ZFYVE28: variants seen among roughly 807,000 people sequenced by gnomAD.
ZFYVE28 encodes the protein zinc finger FYVE-type containing 28, also known as lateral signaling target protein 2 homolog.
In ZFYVE28, 40 loss-of-function variants were observed where a neutral mutation model predicts 82.1. The observed-to-expected ratio is 0.49, with a 90% confidence interval of 0.38 to 0.63. The LOEUF (loss-of-function observed/expected upper bound fraction) is 0.63, where lower values mean the gene tolerates loss of function less well. Ranked by LOEUF, ZFYVE28 falls within the 30% of genes least tolerant of loss-of-function variation. The probability of loss-of-function intolerance (pLI) is 0.00; values close to 1 mark genes in which losing one functional copy is unlikely to be tolerated. For synonymous variants in ZFYVE28, 612 were observed against 546.1 expected, an observed-to-expected ratio of 1.12 and a Z score of -1.68; for missense variants, 1,321 against 1,242.1, an observed-to-expected ratio of 1.06 and a Z score of -0.96.
intron 1 of ZFYVE28, among the ~76,000 whole-genome samples, chr4:2,365,395 G>C (rs1218936856): frequency 6.6e-6 from 1 of 152,092 alleles, no homozygotes; most frequent in Non-Finnish European, 1.5e-5. Context: ...CACGCAGCAG[G>C]GGCCTCTCAG....
chr4:2,393,559 C>A (rs965898581), intron 1 of ZFYVE28, among the ~76,000 whole-genome samples: 1 of 152,244 alleles, frequency 6.6e-6, no homozygotes, highest in Non-Finnish European at 1.5e-5. Context: ...CTGGCTCTCA[C>A]GGCCCCTTCC....
rs1030233972 is a variant in ZFYVE28, at chr4:2,300,865, G to A, written c.2051+3424C>T. On this transcript the variant is annotated intron_variant, in intron 8 of 12. Coordinates refer to ENST00000290974, the MANE Select transcript of ZFYVE28 (RefSeq NM_020972.3). The surrounding 1 kb of genome is among the most constrained non-coding windows in gnomAD (Gnocchi z 4.6). ...CACAGGGGCTGCAGGGGCGTCTGCC[G>A]GGCGAGCGGGTCTCACGGCCAAACA... 1.2e-4 allele frequency among the ~76,000 whole-genome samples: 19 copies of A among 152,280 alleles called. No individual in the cohort carries two copies. Among genetic ancestry groups the A allele is most frequent in the African/African-American group, 4.3e-4 (18 of 41,570 alleles).
chr4:2,350,247 G>A (rs1049557111), intron 2 of ZFYVE28, among the ~76,000 whole-genome samples: 1 of 151,994 alleles, frequency 6.6e-6, no homozygotes, highest in African/African-American at 2.4e-5. Context: ...GGTGGATCAC[G>A]AGGTCAGGAG....
At chr4:2,329,942 A>G (rs1333797638) in intron 6 of ZFYVE28, among the ~76,000 whole-genome samples, 4 of 152,238 alleles carry the variant, frequency 2.6e-5, no homozygotes, top group Non-Finnish European at 5.9e-5. Context: ...ATTCTGCAAA[A>G]GTCCACCACA....
chr4:2,372,941 C>T lies in ZFYVE28; in HGVS notation c.40-18868G>A, dbSNP rs193222154. 4.4e-3 allele frequency among the ~76,000 whole-genome samples: 663 copies of T among 152,200 alleles called. 7 individuals carry two copies. The highest frequency in any genetic ancestry group is 0.015 in the African/African-American group (636 of 41,524). Reference sequence around the variant, plus strand: ...GGACGACTAGGGAGGGAAAAACCACCGCATGCCCACCAGAAGACCACCACG... The same window carrying T: ...GGACGACTAGGGAGGGAAAAACCACTGCATGCCCACCAGAAGACCACCACG... On this transcript the variant is annotated intron_variant, in intron 1 of 12. Coordinates refer to ENST00000290974, the MANE Select transcript of ZFYVE28 (RefSeq NM_020972.3). The surrounding 1 kb of genome is among the most constrained non-coding windows in gnomAD (Gnocchi z 5.2).
chr4:2,355,962 C>A (rs4974651), intron 1 of ZFYVE28, among the ~76,000 whole-genome samples: 14,513 of 152,280 alleles, frequency 0.095, 759 homozygotes, highest in East Asian at 0.12. Context: ...GCGCACAGTT[C>A]GAATGCGCTG....
At chr4:2,359,194 G>A (rs922494893) in intron 1 of ZFYVE28, among the ~76,000 whole-genome samples, 2 of 151,650 alleles carry the variant, frequency 1.3e-5, no homozygotes, top group Non-Finnish European at 2.9e-5. Context: ...TGTCAGCCAG[G>A]ATGGTCTCGA....
chr4:2,381,413 G>GTTGTTGTTT (rs1171594991), intron 1 of ZFYVE28, among the ~76,000 whole-genome samples: 1 of 152,124 alleles, frequency 6.6e-6, no homozygotes, highest in Admixed American at 6.6e-5. Flanking sequence ...TTTTGTTGTT[G>GTTGTTGTTT]TTGTTGTTTT....
chr4:2,367,108 A>G (rs967537879), intron 1 of ZFYVE28, among the ~76,000 whole-genome samples: 3 of 152,222 alleles, frequency 2.0e-5, no homozygotes, highest in South Asian at 4.1e-4. Context: ...TGAACTGCAC[A>G]GCCTCTCTGT....
At chr4:2,319,877 G>A (rs971972880) in intron 7 of ZFYVE28, among the ~76,000 whole-genome samples, 2 of 152,084 alleles carry the variant, frequency 1.3e-5, no homozygotes, top group Non-Finnish European at 2.9e-5. Flanking sequence ...GGGAATGGTG[G>A]GGACAGCAGG....
intron 7 of ZFYVE28, among the ~76,000 whole-genome samples, chr4:2,313,973 T>A (rs1355337375): frequency 6.6e-6 from 1 of 152,228 alleles, no homozygotes; most frequent in Non-Finnish European, 1.5e-5. Context: ...GTTTTCCTGT[T>A]AGTTCCATCA....
At chr4:2,363,025 G>T (rs1560285167) in intron 1 of ZFYVE28, among the ~76,000 whole-genome samples, 1 of 152,126 alleles carries the variant, frequency 6.6e-6, no homozygotes, top group Admixed American at 6.5e-5. Flanking sequence ...CCATTACATG[G>T]TGAGTGTCCC....
At position 2,331,950 on chromosome 4, in the gene ZFYVE28, C is replaced by T. The variant is rs114836953; in HGVS notation, c.701+3755G>A. Among the ~76,000 whole-genome samples the T allele has an allele frequency of 3.2e-3, 492 of 152,350 alleles. 2 individuals are homozygous for T. The highest frequency in any genetic ancestry group is 0.011 in the African/African-American group (477 of 41,586). ...GTCACAGGTGAATAGCAGGCTCTGA[C>T]CCTCGGGTGGGCTTGGTTCTGCCGC... On this transcript the variant is annotated intron_variant, in intron 6 of 12. Coordinates refer to ENST00000290974, the MANE Select transcript of ZFYVE28 (RefSeq NM_020972.3).
Position 2,271,772 on chromosome 4 carries a change from C to T in ZFYVE28, c.2331G>A (p.Gln777=). The change falls in exon 11 of 13, where the codon CAG becomes CAA. Residue 777 remains glutamine, a synonymous_variant. Coordinates refer to ENST00000290974, the MANE Select transcript of ZFYVE28 (RefSeq NM_020972.3). Reference sequence around the variant, plus strand: ...CCTCCAAGGCCGCACTCCGCAGAGTCTGGGTGACTAGTGGAGAAGGGGGGC... The same window carrying T: ...CCTCCAAGGCCGCACTCCGCAGAGTTTGGGTGACTAGTGGAGAAGGGGGGC... ...DDKEKLRKVT[Q]TLRSAALEDC... is the part of the protein sequence containing the mutation. The T allele has an allele frequency of 3.1e-6, 5 of 1,613,476 alleles. No individual in the cohort carries two copies. The highest frequency in any genetic ancestry group is 4.2e-6 in the Non-Finnish European group (5 of 1,179,770).
In ZFYVE28 at chr4:2,339,469, C is replaced by T. The variant is rs545040348; in HGVS notation, c.505G>A (p.Ala169Thr). The T allele has an allele frequency of 5.6e-6, 9 of 1,613,790 alleles. No homozygotes were observed. Among genetic ancestry groups the T allele is most frequent in the Admixed American group, 3.3e-5 (2 of 59,970 alleles). ...EALRHFDVLF[A>T]EFELSYVSAM... is the part of the protein sequence containing the mutation. ...CTGCAGTACCTGAGCTCAAACTCTGCGAACAGGACGTCGAAGTGCCTCAGC... is the reference window on the plus strand; with the variant it reads ...CTGCAGTACCTGAGCTCAAACTCTGTGAACAGGACGTCGAAGTGCCTCAGC... Residue 169 changes from alanine to threonine, a missense_variant, in exon 4 of 13, where the codon GCA becomes ACA. Ala to Thr is a moderately conservative substitution (Grantham distance 58). Coordinates refer to ENST00000290974, the MANE Select transcript of ZFYVE28 (RefSeq NM_020972.3). This position sits in a 1 kb window ranked among gnomAD's most constrained non-coding sequence, Gnocchi z 5.0.
Position 2,339,490 on chromosome 4 carries a change from T to G in ZFYVE28, c.484A>C (p.Arg162=), listed in dbSNP as rs1438360922. 2 of 1,613,804 alleles carry G rather than the reference T, an allele frequency of 1.2e-6. No individual in the cohort carries two copies. The highest frequency in any genetic ancestry group is 1.1e-5 in the South Asian group (1 of 91,028). The change falls in exon 4 of 13, where the codon AGG becomes CGG. Residue 162 remains arginine, a synonymous_variant. Coordinates refer to ENST00000290974, the MANE Select transcript of ZFYVE28 (RefSeq NM_020972.3). The surrounding 1 kb of genome is among the most constrained non-coding windows in gnomAD (Gnocchi z 5.0). ...TCTGCGAACAGGACGTCGAAGTGCC[T>G]CAGCGCTTCCCTCATCTTCTCTGTG... ...TYTEKMREAL[R]HFDVLFAEFE...
chr4:2,362,957 G>T lies in ZFYVE28; in HGVS notation c.40-8884C>A, dbSNP rs953801112. Among the ~76,000 whole-genome samples the T allele has an allele frequency of 6.6e-6, 1 of 151,976 alleles. No homozygotes were observed. The highest frequency in any genetic ancestry group is 1.5e-5 in the Non-Finnish European group (1 of 67,992). On this transcript the variant is annotated intron_variant, in intron 1 of 12. Coordinates refer to ENST00000290974, the MANE Select transcript of ZFYVE28 (RefSeq NM_020972.3). The surrounding 1 kb of genome is among the most constrained non-coding windows in gnomAD (Gnocchi z 5.1). ...GGTACTGGCCCTCCCTGTGGCCTTC[G>T]GGCCCACACGTGGCACCAAGCCCTG...
chr4:2,312,755 G>T (rs1227087457), intron 7 of ZFYVE28, among the ~76,000 whole-genome samples: 1 of 133,040 alleles, frequency 7.5e-6, no homozygotes, highest in East Asian at 2.3e-4. Flanking sequence ...AAAAAAAGAA[G>T]TGTTTTGGGC....
chr4:2,295,025 G>C (rs995738845), intron 8 of ZFYVE28, among the ~76,000 whole-genome samples: 2 of 152,012 alleles, frequency 1.3e-5, no homozygotes, highest in African/African-American at 4.8e-5. Flanking sequence ...ACTACAACGA[G>C]GTACCACTTC....
Sources: allele counts gnomAD v4.1 joint callset (sites outside exome capture counted in the v4.1 genomes callset), GRCh38; gene constraint gnomAD v4.1.1; non-coding constraint Gnocchi (gnomAD v3.1); transcripts MANE v1.5; gene names NCBI Gene and HGNC (gene_info 2026-07-23, HGNC 2026-07-21).